DCBLD1: variants seen among roughly 807,000 people sequenced by gnomAD.
DCBLD1 encodes the protein discoidin, CUB and LCCL domain-containing protein 1.
A neutral mutation model predicts 71.5 loss-of-function variants in DCBLD1; 57 were observed. That is an observed-to-expected ratio of 0.80 (90% CI 0.64 to 0.99). The LOEUF (loss-of-function observed/expected upper bound fraction) is 0.99, where lower values mean the gene tolerates loss of function less well. Ranked by LOEUF, DCBLD1 falls within the 50% of genes least tolerant of loss-of-function variation. DCBLD1 has a pLI of 0.00. For synonymous variants in DCBLD1, 380 were observed against 363.8 expected (o/e 1.04, Z -0.51); for missense variants, 891 against 923.5 (o/e 0.96, Z 0.46).
Position 117,532,413 on chromosome 6 carries a change from A to G in DCBLD1, c.719+20A>G, listed in dbSNP as rs1474309351. ...GAGGGAGTAAGTATTTTTTTTCAGT[A>G]TCGTTTGTTCTGAGTAGAAGGTAAC... On this transcript the variant is annotated intron_variant, in intron 6 of 14. Coordinates refer to ENST00000338728, the MANE Select transcript of DCBLD1 (RefSeq NM_001366458.2). 1 of 1,589,982 alleles carries G rather than the reference A, an allele frequency of 6.3e-7. No homozygotes were observed. Among genetic ancestry groups the G allele is most frequent in the Non-Finnish European group, 8.5e-7 (1 of 1,170,014 alleles).
At chr6:117,513,575 A>G (rs144325948) in intron 2 of DCBLD1, among the ~76,000 whole-genome samples, 1 of 152,310 alleles carries the variant, frequency 6.6e-6, no homozygotes, top group African/African-American at 2.4e-5. Flanking sequence ...GTGACTGCAA[A>G]GTAAGATGGA....
At chr6:117,547,837 TC>T in intron 14 of DCBLD1, 69 bp from the exon 15 acceptor site, 1 of 1,549,022 alleles carries the variant, frequency 6.5e-7, no homozygotes, top group Non-Finnish European at 8.7e-7. Flanking sequence ...AAGCAGAGTA[TC>T]CCCGTCTGCC....
rs772783268 is a variant in DCBLD1 at position 117,482,892 on chromosome 6, G to A, written c.111G>A (p.Leu37=). The part of the protein sequence containing the change: ...SAPLRLQAEE[L]GDGCGHLVTY... ...CGCTCCGGCTGCAGGCGGAGGAGCT[G>A]GGTGAGTGGAGCGCGTCCGGCTGGC... Residue 37 remains leucine (L), a splice_region_variant and synonymous_variant, in exon 1 of 15, where the codon CTG becomes CTA. Transcript: ENST00000338728. 4.2e-6 allele frequency: 5 copies of A among 1,199,452 alleles called. No individual in the cohort carries two copies. Among genetic ancestry groups the A allele is most frequent in the Non-Finnish European group, 5.2e-6 (5 of 964,106 alleles). 74.3% of individuals were successfully genotyped at this position (1,199,452 alleles called of 1,614,324 possible).
At chr6:117,518,330 G>C (rs576393054) in intron 2 of DCBLD1, among the ~76,000 whole-genome samples, 30 of 152,212 alleles carry the variant, frequency 2.0e-4, no homozygotes, top group African/African-American at 3.6e-4. Context: ...TGTCCATATC[G>C]CTATCAGCAT....
At chr6:117,550,733 A>T (rs1243627549), downstream of DCBLD1, among the ~76,000 whole-genome samples, 1 of 152,172 alleles carries the variant, frequency 6.6e-6, no homozygotes, top group Non-Finnish European at 1.5e-5. Flanking sequence ...TAGCTATGAG[A>T]CCTTTCCCCA....
Position 117,562,835 on chromosome 6 carries a change from C to T in DCBLD1, c.1616-6785C>T, listed in dbSNP as rs45577332. ...TCAAGCTCTGTCTTCTGAAATACCA[C>T]AGTTAACATTCTAGAATATAAAATA... On this transcript the variant is annotated intron_variant, in intron 14 of 14. Transcript: ENST00000296955. 7.2e-3 allele frequency: 1,547 copies of T among 214,176 alleles called. 5 individuals carry two copies. The highest frequency in any genetic ancestry group is 0.011 in the Non-Finnish European group (1,203 of 106,076). 13.3% of individuals were successfully genotyped at this position (214,176 alleles called of 1,614,324 possible). A position where few individuals can be genotyped will look rare whatever the true frequency, so the allele number is the denominator to read the frequency against.
intron 2 of DCBLD1, chr6:117,507,974 T>C (rs1231465023): frequency 2.0e-5 from 3 of 152,240 alleles, no homozygotes; most frequent in African/African-American, 7.2e-5. Context: ...TTTGATTAAA[T>C]GACTCTTCTT....
At chr6:117,537,060 G>T in intron 6 of DCBLD1, 125 bp from the exon 7 acceptor site, 1 of 855,342 alleles carries the variant, frequency 1.2e-6, no homozygotes, top group Non-Finnish European at 2.0e-6. Flanking sequence ...GTTTGCAGGG[G>T]TGTTGTGAGG....
At chr6:117,505,866 A>G (rs933724976) in intron 2 of DCBLD1, among the ~76,000 whole-genome samples, 1 of 152,160 alleles carries the variant, frequency 6.6e-6, no homozygotes, top group Non-Finnish European at 1.5e-5. Flanking sequence ...GCTAGCTTGC[A>G]AGGTGATCAT....
intron 2 of DCBLD1, among the ~76,000 whole-genome samples, chr6:117,510,194 A>T (rs898602486): frequency 1.9e-4 from 29 of 152,036 alleles, no homozygotes; most frequent in Non-Finnish European, 3.8e-4. Flanking sequence ...CTCATCTCTG[A>T]GTCCTTCATC....
downstream of DCBLD1, chr6:117,549,945 A>C: frequency 1.2e-6 from 1 of 806,292 alleles, no homozygotes; most frequent in Non-Finnish European, 1.5e-6. Flanking sequence ...ACAGAAGAGA[A>C]GTCTGGCTGC....
rs757711414 is a variant in DCBLD1 at position 117,549,378 on chromosome 6, C to G, written c.*939C>G. 62 of 985,264 alleles carry G rather than the reference C, an allele frequency of 6.3e-5. No homozygotes were observed. The highest frequency in any genetic ancestry group is 7.3e-5 in the Non-Finnish European group (61 of 829,934). 61.0% of individuals were successfully genotyped at this position (985,264 alleles called of 1,614,324 possible). A position where few individuals can be genotyped will look rare whatever the true frequency, so the allele number is the denominator to read the frequency against. ...CTGACCAAGTCTAAATCGAGCTTTT[C>G]TACTGACATGAAACTGTTGGAAACT... On this transcript the variant is annotated 3_prime_UTR_variant, in exon 15 of 15. Coordinates refer to ENST00000338728, the MANE Select transcript of DCBLD1 (RefSeq NM_001366458.2).
chr6:117,484,265 C>T (rs980274884), intron 1 of DCBLD1, among the ~76,000 whole-genome samples: 4 of 152,234 alleles, frequency 2.6e-5, no homozygotes, highest in African/African-American at 4.8e-5. Context: ...TTTGTATGGT[C>T]ATCCAGGCTG....
At position 117,539,288 on chromosome 6, in the gene DCBLD1, T is replaced by C; in HGVS notation, c.1010T>C (p.Phe337Ser). The change falls in exon 9 of 15, where the codon TTC (phenylalanine) becomes TCC (serine). Residue 337 changes from phenylalanine to serine, a missense_variant. By Grantham distance (155) the Phe-to-Ser change is radical. Coordinates refer to ENST00000338728, the MANE Select transcript of DCBLD1 (RefSeq NM_001366458.2). ...ACCACAGGATCTACACAGTCGAACT[T>C]CAACTTTTATGTTAAGAGTTTTGTG... Reference protein sequence around the residue: ...IRTTGSTQSNFNFYVKSFVMN... With the variant: ...IRTTGSTQSNSNFYVKSFVMN... 1 of 1,606,830 alleles carries C rather than the reference T, an allele frequency of 6.2e-7. No individual in the cohort carries two copies. Among genetic ancestry groups the C allele is most frequent in the Non-Finnish European group, 8.5e-7 (1 of 1,177,948 alleles).
intron 2 of DCBLD1, among the ~76,000 whole-genome samples, chr6:117,510,342 G>GACACAC (rs1277610499): frequency 2.0e-5 from 3 of 147,914 alleles, no homozygotes; most frequent in Non-Finnish European, 4.5e-5. Context: ...CACAGACACA[G>GACACAC]ACACACACAC....
At chr6:117,533,035 C>A (rs1778774551) in intron 6 of DCBLD1, among the ~76,000 whole-genome samples, 1 of 151,634 alleles carries the variant, frequency 6.6e-6, no homozygotes, top group Non-Finnish European at 1.5e-5. Flanking sequence ...CAGTGTCAGC[C>A]TACCCTGTGG....
At chr6:117,512,921 C>G (rs920982866) in intron 2 of DCBLD1, among the ~76,000 whole-genome samples, 8 of 151,634 alleles carry the variant, frequency 5.3e-5, no homozygotes, top group Non-Finnish European at 8.8e-5. Context: ...AAAGAGGTTT[C>G]TTTGTTTCTC....
chr6:117,542,695 C>T (rs981399689), intron 11 of DCBLD1, among the ~76,000 whole-genome samples: 1 of 151,818 alleles, frequency 6.6e-6, no homozygotes, highest in Non-Finnish European at 1.5e-5. Flanking sequence ...GGTACAGGTC[C>T]AAACCCGCCT....
rs1778329205 is a variant in DCBLD1 at position 117,519,897 on chromosome 6, C to G, written c.407C>G (p.Ser136Cys). 6.2e-6 allele frequency: 10 copies of G among 1,614,132 alleles called. No individual in the cohort carries two copies. The highest frequency in any genetic ancestry group is 8.5e-6 in the Non-Finnish European group (10 of 1,180,002). ...SEVTVRFESG[S>C]HISGRGFLLT... ...GTAACCGTCCGCTTTGAGAGTGGAT[C>G]CCACATTTCTGGCCGGGGTTTTTTG... Residue 136 changes from serine (S) to cysteine (C), a missense_variant, in exon 3 of 15, where the codon TCC (serine) becomes TGC (cysteine). By Grantham distance (112) the Ser-to-Cys change is moderately radical. Coordinates refer to ENST00000338728, the MANE Select transcript of DCBLD1 (RefSeq NM_001366458.2).
Sources: allele counts gnomAD v4.1 joint callset (sites outside exome capture counted in the v4.1 genomes callset), GRCh38; gene constraint gnomAD v4.1.1; transcripts MANE v1.5; gene names NCBI Gene and HGNC (gene_info 2026-07-23, HGNC 2026-07-21).